Variants in MTA2 observed in about 807,000 individuals in gnomAD.
MTA2 encodes the protein metastasis-associated protein MTA2.
A neutral mutation model predicts 87.1 loss-of-function variants in MTA2; 22 were observed. That is an observed-to-expected ratio of 0.25 (90% CI 0.18 to 0.36). The LOEUF is 0.36. MTA2 is among the 10% of genes least tolerant of loss of function. MTA2 has a pLI of 1.00. For missense variants in MTA2, 542 were observed against 853.2 expected, an observed-to-expected ratio of 0.64 and a Z score of 4.54; for synonymous variants, 314 against 310.1, an observed-to-expected ratio of 1.01 and a Z score of -0.13.
In MTA2 at chr11:62,601,807, G is replaced by C. The variant is rs569197815; in HGVS notation, c.-357C>G. On this transcript the variant is annotated 5_prime_UTR_variant, in exon 1 of 18. Coordinates refer to ENST00000278823, the MANE Select transcript of MTA2 (RefSeq NM_004739.4). ...GCCGCAGGGAAGGCTTGCCGGGCCCGCCTCAGGGTTCGCCTCCTTCCGGAA... is the reference window on the plus strand; with the variant it reads ...GCCGCAGGGAAGGCTTGCCGGGCCCCCCTCAGGGTTCGCCTCCTTCCGGAA... 6.6e-5 allele frequency: 33 copies of C among 502,212 alleles called. No individual in the cohort carries two copies. The South Asian group carries it at 1.1e-3, about 16-fold the overall frequency. The allele number at this position is 502,212 out of a possible 1,614,324, so 31.1% of individuals were successfully genotyped here.
At chr11:62,600,963 G>A in intron 1 of MTA2, 2 of 499,038 alleles carry the variant, frequency 4.0e-6, no homozygotes, top group South Asian at 4.9e-5. Flanking sequence ...CCACAACTCA[G>A]CGATGAGTTG....
rs2134330624 is a variant in MTA2, at chr11:62,601,751, G to A, written c.-301C>T. The A allele has an allele frequency of 3.9e-6, 2 of 515,328 alleles. No homozygotes were observed. The highest frequency in any genetic ancestry group is 4.1e-5 in the Admixed American group (1 of 24,184). 31.9% of individuals were successfully genotyped at this position (515,328 alleles called of 1,614,324 possible). A position where few individuals can be genotyped will look rare whatever the true frequency, so the allele number is the denominator to read the frequency against. ...CCAGGCTCCAGCTACCCCCGCCCCC[G>A]CGGAGTCCCACTAGTCGTTGGGCTC... is the stretch of plus-strand genomic sequence containing the variant. On this transcript the variant is annotated 5_prime_UTR_variant, in exon 1 of 18. Transcript: ENST00000278823.
At chr11:62,600,754 G>T in intron 1 of MTA2, 65 bp from the exon 2 acceptor site, 1 of 1,475,142 alleles carries the variant, frequency 6.8e-7, no homozygotes. Context: ...AGAGCACCAG[G>T]GTAGGAGAGA....
rs1477405811 is a variant in MTA2 at position 62,596,010 on chromosome 11, T to C, written c.1114A>G (p.Thr372Ala). ...CCATCCCAGTGCCCCCGTAACTCAC[T>C]GTGGCAACTCTCACAAGTCAGGCCC... ...QKGLTCESCH[T>A]TQSAQWYAWG... The change falls in exon 12 of 18, where the codon ACC becomes GCC. Residue 372 changes from threonine (T) to alanine (A), a missense_variant and splice_region_variant. By Grantham distance (58) the Thr-to-Ala change is moderately conservative. This residue lies in a region of MTA2 where 46 missense variants were observed against 109.1 expected (regional missense o/e 0.42). Coordinates refer to ENST00000278823, the MANE Select transcript of MTA2 (RefSeq NM_004739.4). 2.5e-6 allele frequency: 4 copies of C among 1,614,120 alleles called. No homozygotes were observed. The South Asian group carries it at 4.4e-5, about 18-fold the overall frequency.
At position 62,594,335 on chromosome 11, in the gene MTA2, G is replaced by A. The variant is rs1942066950; in HGVS notation, c.1765C>T (p.Pro589Ser). The change falls in exon 17 of 18, where the codon CCA (proline) becomes TCA (serine). Residue 589 changes from proline (P) to serine (S), a missense_variant. Around this residue, in one of 6 missense-constraint regions of MTA2, gnomAD observed 269 missense variants for 346.4 expected, o/e 0.78. Transcript: ENST00000278823. ...LASGIRSSSQPAAKRQKLNPA... is the reference protein window; with the variant it reads ...LASGIRSSSQSAAKRQKLNPA... ...TTTAGTTTCTGACGCTTGGCTGCTGGCTGTGAGCTTGAACGAATCCCTGAA... is the reference window on the plus strand; with the variant it reads ...TTTAGTTTCTGACGCTTGGCTGCTGACTGTGAGCTTGAACGAATCCCTGAA... The A allele has an allele frequency of 6.2e-7, 1 of 1,614,086 alleles. No homozygotes were observed. The highest frequency in any genetic ancestry group is 1.3e-5 in the African/African-American group (1 of 74,916).
Position 62,594,358 on chromosome 11 carries a change from G to A in MTA2, c.1742C>T (p.Ser581Leu). The A allele has an allele frequency of 6.2e-7, 1 of 1,614,152 alleles. No homozygotes were observed. Among genetic ancestry groups the A allele is most frequent in the East Asian group, 2.2e-5 (1 of 44,886 alleles). The change falls in exon 17 of 18, where the codon TCA becomes TTA. Residue 581 changes from serine (S) to leucine (L), a missense_variant. By Grantham distance (145) the Ser-to-Leu change is moderately radical. This residue lies in a region of MTA2 where 269 missense variants were observed against 346.4 expected (regional missense o/e 0.78). Transcript: ENST00000278823. Reference sequence around the variant, plus strand: ...TGGCTGTGAGCTTGAACGAATCCCTGAAGCCAGAGGCCTTCCATTGGCAGA... The same window carrying A: ...TGGCTGTGAGCTTGAACGAATCCCTAAAGCCAGAGGCCTTCCATTGGCAGA... ...PFSANGRPLA[S>L]GIRSSSQPAA...
At position 62,601,656 on chromosome 11, in the gene MTA2, C is replaced by G. The variant is rs1942204711; in HGVS notation, c.-206G>C. 1.8e-6 allele frequency: 1 copy of G among 569,716 alleles called. No homozygotes were observed. Among genetic ancestry groups the G allele is most frequent in the African/African-American group, 2.0e-5 (1 of 49,832 alleles). 35.3% of individuals were successfully genotyped at this position (569,716 alleles called of 1,614,324 possible). A position where few individuals can be genotyped will look rare whatever the true frequency, so the allele number is the denominator to read the frequency against. On this transcript the variant is annotated 5_prime_UTR_variant, in exon 1 of 18. Transcript: ENST00000278823. ...GCCGCCGCAGCTATCGCCTCACTCC[C>G]GGGACGCTGAGGCTGGCCCCCGTCC...
rs202171761 is a variant in MTA2, at chr11:62,598,108, C to T, written c.406G>A (p.Val136Met). ...CFFYSLVFDP[V>M]QKTLLADQGE... ...TGATCAGCGAGAAGTGTCTTCTGCA[C>T]GGGGTCAAACACCAGTGAGTAAAAA... is the stretch of plus-strand genomic sequence containing the variant. Residue 136 changes from valine to methionine, a missense_variant, in exon 6 of 18, where the codon GTG (valine) becomes ATG (methionine). This residue lies in a region of MTA2 where 150 missense variants were observed against 243.9 expected (regional missense o/e 0.62). Coordinates refer to ENST00000278823, the MANE Select transcript of MTA2 (RefSeq NM_004739.4). 5.8e-5 allele frequency: 94 copies of T among 1,613,858 alleles called. No homozygotes were observed. Among genetic ancestry groups the T allele is most frequent in the South Asian group, 1.1e-4 (10 of 91,078 alleles).
In MTA2 at chr11:62,595,352, G is replaced by A. The variant is rs1171870380; in HGVS notation, c.1395C>T (p.Ala465=). The change falls in exon 14 of 18, where the codon GCC becomes GCT. Residue 465 remains alanine (A), a synonymous_variant. Coordinates refer to ENST00000278823, the MANE Select transcript of MTA2 (RefSeq NM_004739.4). This position sits in a 1 kb window ranked among gnomAD's most constrained non-coding sequence, Gnocchi z 4.9. ...LLQTTKLTRL[A]RRMCRDLLQP... ...GTAATAGGTCCCTGCACATGCGTCT[G>A]GCAAGACGGGTCAGCTTTGTGGTCT... is the stretch of plus-strand genomic sequence containing the variant. The A allele has an allele frequency of 3.1e-6, 5 of 1,614,218 alleles. No individual in the cohort carries two copies. The highest frequency in any genetic ancestry group is 1.1e-5 in the South Asian group (1 of 91,080).
chr11:62,595,325 C>G lies in MTA2; in HGVS notation c.1422G>C (p.Gln474His), dbSNP rs1257142564. 6.2e-7 allele frequency: 1 copy of G among 1,614,118 alleles called. No homozygotes were observed. Among genetic ancestry groups the G allele is most frequent in the Non-Finnish European group, 8.5e-7 (1 of 1,180,054 alleles). ...AAGGCCGTCGGGCGGCCCTCCTTGGCTGTAATAGGTCCCTGCACATGCGTC... is the reference window on the plus strand; with the variant it reads ...AAGGCCGTCGGGCGGCCCTCCTTGGGTGTAATAGGTCCCTGCACATGCGTC... ...LARRMCRDLL[Q>H]PRRAARRPYA... is the part of the protein sequence containing the mutation. Residue 474 changes from glutamine to histidine, a missense_variant, in exon 14 of 18, where the codon CAG becomes CAC. By Grantham distance (24) the Gln-to-His change is conservative. Transcript: ENST00000278823. The surrounding 1 kb of genome is among the most constrained non-coding windows in gnomAD (Gnocchi z 4.9).
chr11:62,600,175 T>C lies in MTA2; in HGVS notation c.181A>G (p.Ser61Gly), dbSNP rs760817283. The C allele has an allele frequency of 7.4e-6, 12 of 1,613,792 alleles. No homozygotes were observed. Among genetic ancestry groups the C allele is most frequent in the Admixed American group, 1.7e-5 (1 of 60,000 alleles). Residue 61 changes from serine (S) to glycine (G), a missense_variant, in exon 3 of 18, where the codon AGT becomes GGT. Coordinates refer to ENST00000278823, the MANE Select transcript of MTA2 (RefSeq NM_004739.4). ...ISSSLNSLAD[S>G]NAREFEEESK... ...GGAGGAAGATACTCACTGGCATTAC[T>C]ATCAGCCAGGCTGTTGAGGCTACTA...
Position 62,595,921 on chromosome 11 carries a change from G to A in MTA2, c.1115-30C>T. On this transcript the variant is annotated intron_variant, in intron 12 of 17. Transcript: ENST00000278823. This position sits in a 1 kb window ranked among gnomAD's most constrained non-coding sequence, Gnocchi z 4.9. ...AGAGTACGGAGAGGAGGGGGACAGGGAAGAAGCATACTACCTAAGCCCCTC... is the reference window on the plus strand; with the variant it reads ...AGAGTACGGAGAGGAGGGGGACAGGAAAGAAGCATACTACCTAAGCCCCTC... The A allele has an allele frequency of 6.2e-7, 1 of 1,614,080 alleles. No homozygotes were observed. Among genetic ancestry groups the A allele is most frequent in the Non-Finnish European group, 8.5e-7 (1 of 1,180,018 alleles).
chr11:62,597,844 A>G, intron 6 of MTA2, 132 bp from the exon 7 acceptor site: 4 of 1,012,470 alleles, frequency 4.0e-6, no homozygotes, highest in Middle Eastern at 2.2e-4. Context: ...TCTCTTCCCA[A>G]CTGTTCCCAT....
In MTA2 at chr11:62,598,518, G is replaced by A; in HGVS notation, c.308+4C>T. ...AGGCTATGCTGGCCCCAGTTGTCCTGTACCGTATGTGGGTGGCTGGTAATG... is the reference window on the plus strand; with the variant it reads ...AGGCTATGCTGGCCCCAGTTGTCCTATACCGTATGTGGGTGGCTGGTAATG... On this transcript the variant is annotated splice_donor_region_variant and intron_variant, in intron 4 of 17. Coordinates refer to ENST00000278823, the MANE Select transcript of MTA2 (RefSeq NM_004739.4). 6.2e-7 allele frequency: 1 copy of A among 1,613,766 alleles called. No homozygotes were observed. Among genetic ancestry groups the A allele is most frequent in the Admixed American group, 1.7e-5 (1 of 60,022 alleles).
At chr11:62,598,268 C>G (rs1328103431) in intron 5 of MTA2, 59 bp downstream of exon 5, 1 of 1,586,666 alleles carries the variant, frequency 6.3e-7, no homozygotes, top group Non-Finnish European at 8.7e-7. Flanking sequence ...CTCCTTTCCC[C>G]CTCTCTTTTG....
chr11:62,595,860 G>GC lies in MTA2; in HGVS notation c.1145dup (p.Pro384ThrfsTer2). ...AGAGGCGGCACTGCATGTTAGGTGG[G>GC]CCCCAGGCATACCACTGAGCAGACT... On this transcript the variant is annotated frameshift_variant, in exon 13 of 18. Coordinates refer to ENST00000278823, the MANE Select transcript of MTA2 (RefSeq NM_004739.4). LOFTEE classifies it high-confidence loss of function. This position sits in a 1 kb window ranked among gnomAD's most constrained non-coding sequence, Gnocchi z 4.9. The GC allele has an allele frequency of 6.2e-7, 1 of 1,614,128 alleles. No individual in the cohort carries two copies. Among genetic ancestry groups the GC allele is most frequent in the Middle Eastern group, 1.6e-4 (1 of 6,062 alleles).
intron 2 of MTA2, 163 bp downstream of exon 2, chr11:62,600,459 A>G (rs903553123): frequency 1.1e-5 from 9 of 815,540 alleles, no homozygotes; most frequent in African/African-American, 1.7e-5. Context: ...ACAGAATAGT[A>G]AAGTTCCTGC....
Position 62,598,604 on chromosome 11 carries a change from A to C in MTA2, c.226T>G (p.Ser76Ala). 6.2e-7 allele frequency: 1 copy of C among 1,614,082 alleles called. No individual in the cohort carries two copies. The highest frequency in any genetic ancestry group is 8.5e-7 in the Non-Finnish European group (1 of 1,180,016). ...FEEESKQPGV[S>A]EQQRHQLKHR... ...TTCAGTTGATGGCGCTGCTGCTCAGACACCCCTGGCTGCTTTGATTCCTCT... is the reference window on the plus strand; with the variant it reads ...TTCAGTTGATGGCGCTGCTGCTCAGCCACCCCTGGCTGCTTTGATTCCTCT... Residue 76 changes from serine to alanine, a missense_variant, in exon 4 of 18, where the codon TCT becomes GCT. Around this residue, in one of 6 missense-constraint regions of MTA2, gnomAD observed 150 missense variants for 243.9 expected, o/e 0.62. Coordinates refer to ENST00000278823, the MANE Select transcript of MTA2 (RefSeq NM_004739.4).
chr11:62,595,629 A>C lies in MTA2; in HGVS notation c.1254+123T>G. On this transcript the variant is annotated intron_variant, in intron 13 of 17. Coordinates refer to ENST00000278823, the MANE Select transcript of MTA2 (RefSeq NM_004739.4). This position sits in a 1 kb window ranked among gnomAD's most constrained non-coding sequence, Gnocchi z 4.9. The stretch of plus-strand genomic sequence containing the variant: ...TCTTGGCCTATGTGTCTCCCCAACC[A>C]GCATCAAGCACCCCGTCCATCAAAC... 6.6e-7 allele frequency: 1 copy of C among 1,526,642 alleles called. No individual in the cohort carries two copies. Among genetic ancestry groups the C allele is most frequent in the Non-Finnish European group, 8.9e-7 (1 of 1,121,230 alleles). 94.6% of individuals were successfully genotyped at this position (1,526,642 alleles called of 1,614,324 possible).
Sources: gnomAD v4.1 joint callset for allele counts on GRCh38, gnomAD v4.1.1 for gene constraint, gnomAD v4.1.1 regional missense constraint, Gnocchi (gnomAD v3.1) non-coding constraint, MANE v1.5 for transcripts, NCBI Gene and HGNC (gene_info 2026-07-23, HGNC 2026-07-21) for gene names.